Variants in OASL observed in about 807,000 individuals in gnomAD.
OASL encodes 2'-5'-oligoadenylate synthase-like protein.
OASL carries 28 observed loss-of-function variants against 35.3 expected under a neutral mutation model. The observed-to-expected ratio is 0.79, with a 90% CI of 0.59 to 1.09. The LOEUF (loss-of-function observed/expected upper bound fraction) is 1.09. OASL is among the 50% of genes least tolerant of loss of function. OASL has a pLI of 0.00. For missense variants in OASL, 620 were observed against 635.2 expected, an observed-to-expected ratio of 0.98 and a Z score of 0.26; for synonymous variants, 252 against 254.6, an observed-to-expected ratio of 0.99 and a Z score of 0.10.
At chr12:121,024,956 G>A (rs1233202526) in intron 4 of OASL, among the ~76,000 whole-genome samples, 1 of 144,842 alleles carries the variant, frequency 6.9e-6, no homozygotes, top group Non-Finnish European at 1.5e-5. Flanking sequence ...CCTTTTTACA[G>A]ACCTCCCTAA....
At chr12:121,025,955 G>A (rs1869466084) in intron 4 of OASL, among the ~76,000 whole-genome samples, 1 of 152,124 alleles carries the variant, frequency 6.6e-6, no homozygotes. Context: ...GAAAGTGCCA[G>A]GCTGTCCTAT....
At chr12:121,029,605 A>G (rs1254441075) in intron 3 of OASL, among the ~76,000 whole-genome samples, 2 of 151,886 alleles carry the variant, frequency 1.3e-5, no homozygotes, top group Non-Finnish European at 2.9e-5. Flanking sequence ...GGAGAATGGC[A>G]TGAACCCGGG....
intron 1 of OASL, among the ~76,000 whole-genome samples, chr12:121,036,995 G>C (rs1463906040): frequency 6.6e-6 from 1 of 152,160 alleles, no homozygotes; most frequent in Non-Finnish European, 1.5e-5. Context: ...AAGAAGCGAA[G>C]AGTCTGTCTA....
At chr12:121,022,245 C>G (rs911612731) in intron 5 of OASL, among the ~76,000 whole-genome samples, 1 of 152,182 alleles carries the variant, frequency 6.6e-6, no homozygotes, top group East Asian at 1.9e-4. Flanking sequence ...TGCCACCACA[C>G]CCAGCTAATT....
At chr12:121,020,521 G>A in exon 6 of OASL, 1 of 1,555,184 alleles carries the variant, frequency 6.4e-7, no homozygotes, top group Non-Finnish European at 8.7e-7. Flanking sequence ...GAGTTCTGGA[G>A]TACATGGCAG....
At chr12:121,037,884 A>C (rs151311623) in intron 1 of OASL, among the ~76,000 whole-genome samples, 13 of 152,264 alleles carry the variant, frequency 8.5e-5, no homozygotes, top group South Asian at 2.1e-4. Flanking sequence ...TGATCCCAGG[A>C]GTTCGAGACC....
Position 121,020,630 on chromosome 12 carries a change from A to G in OASL, c.1476T>C (p.Tyr492=), listed in dbSNP as rs368234942. Residue 492 remains tyrosine (Y), a synonymous_variant, in exon 6 of 6, where the codon TAT becomes TAC. Transcript: ENST00000257570. ...TGAGAGTGTCACTGTCTTGGATGCC[A>G]TAGATCCCCAGACCCAACCAGTCCT... is the stretch of plus-strand genomic sequence containing the variant. The G allele has an allele frequency of 1.5e-5, 25 of 1,614,042 alleles. No individual in the cohort carries two copies. In the African/African-American group the frequency reaches 2.9e-4, roughly 19 times the overall value.
chr12:121,021,246 T>G (rs1184813957), intron 5 of OASL, among the ~76,000 whole-genome samples, 188 bp from the exon 6 acceptor site: 1 of 152,206 alleles, frequency 6.6e-6, no homozygotes, highest in Non-Finnish European at 1.5e-5. Context: ...TGCATTTTAT[T>G]CTCAGAGCAT....
At chr12:121,020,394 C>T (rs1262066899) in exon 6 of OASL, 1 of 729,932 alleles carries the variant, frequency 1.4e-6, no homozygotes, top group Non-Finnish European at 2.2e-6. Flanking sequence ...CTCGGCCTCC[C>T]AAAGTTCTGG....
At chr12:121,030,486 G>A (rs1592936988) in intron 3 of OASL, among the ~76,000 whole-genome samples, 1 of 152,232 alleles carries the variant, frequency 6.6e-6, no homozygotes, top group South Asian at 2.1e-4. Flanking sequence ...TTACAGGCGT[G>A]AGCCATCATG....
intron 3 of OASL, among the ~76,000 whole-genome samples, chr12:121,029,797 AATTTAAACTCATGGTAATATAACTT>A (rs1159461808): frequency 6.6e-6 from 1 of 152,196 alleles, no homozygotes; most frequent in Non-Finnish European, 1.5e-5. Flanking sequence ...TTTTGTTAGA[AATTTAAACTCATGGTAATATAACTT>A]ATTTTCTTCA....
At position 121,020,514 on chromosome 12, in the gene OASL, T is replaced by C. The variant is rs1869183714; in HGVS notation, c.*47A>G. On this transcript the variant is annotated 3_prime_UTR_variant, in exon 6 of 6. Transcript: ENST00000257570. ...GGGACAGAGTGATTGACAGGATGAG[T>C]TCTGGAGTACATGGCAGAAATGTAC... 1.9e-6 allele frequency: 3 copies of C among 1,543,052 alleles called. No individual in the cohort carries two copies. The South Asian group carries it at 3.8e-5, about 19-fold the overall frequency.
chr12:121,024,057 G>C, exon 5 of OASL: 1 of 1,614,168 alleles, frequency 6.2e-7, no homozygotes, highest in South Asian at 1.1e-5. Context: ...CAGGCACTGG[G>C]AGGCCCTCTG....
rs745847463 is a variant in OASL at position 121,033,513 on chromosome 12, C to T, written c.429G>A (p.Arg143=). The change falls in exon 2 of 6, where the codon AGG becomes AGA. Residue 143 remains arginine (R), a synonymous_variant. Coordinates refer to ENST00000257570, the Ensembl canonical transcript of OASL. ...TGACCGTGATGGGCTCCGCAGTCCC[C>T]CTGGTCTGGATGGTGAAGACGAGAG... 23 of 1,614,168 alleles carry T rather than the reference C, an allele frequency of 1.4e-5. No homozygotes were observed. In the South Asian group the frequency reaches 2.5e-4, roughly 18 times the overall value.
chr12:121,032,704 C>G (rs73214163), intron 2 of OASL, among the ~76,000 whole-genome samples: 1 of 152,232 alleles, frequency 6.6e-6, no homozygotes, highest in South Asian at 2.1e-4. Flanking sequence ...AAATAAACTG[C>G]GTATCCTCAC....
At position 121,028,929 on chromosome 12, in the gene OASL, G is replaced by C. The variant is rs528328125; in HGVS notation, c.658-1112C>G. 2.9e-4 allele frequency among the ~76,000 whole-genome samples: 44 copies of C among 152,078 alleles called. No individual in the cohort carries two copies. The South Asian group carries it at 8.3e-3, about 29-fold the overall frequency. Reference sequence around the variant, plus strand: ...AAAATACAAAAATTAGCCAGGTGTGGTGGCAGGTGCCTGTAATCCCAGCTA... The same window carrying C: ...AAAATACAAAAATTAGCCAGGTGTGCTGGCAGGTGCCTGTAATCCCAGCTA... On this transcript the variant is annotated intron_variant, in intron 3 of 5. Transcript: ENST00000257570.
chr12:121,035,731 C>CT (rs932173346), intron 1 of OASL, among the ~76,000 whole-genome samples: 1 of 152,106 alleles, frequency 6.6e-6, no homozygotes, highest in African/African-American at 2.4e-5. Flanking sequence ...TGACCCAAGG[C>CT]TGTGAGCCAG....
intron 3 of OASL, among the ~76,000 whole-genome samples, chr12:121,028,617 GC>G (rs1306085541): frequency 2.0e-4 from 28 of 138,906 alleles, no homozygotes; most frequent in African/African-American, 6.5e-4. Context: ...CCTGAAACCC[GC>G]CCCCCCCGCC....
chr12:121,022,854 C>A (rs914471682), intron 5 of OASL, among the ~76,000 whole-genome samples: 1 of 152,170 alleles, frequency 6.6e-6, no homozygotes, highest in Non-Finnish European at 1.5e-5. Flanking sequence ...TGCTTCCAGA[C>A]CCCCAGAGCC....
Sources: gnomAD v4.1 joint callset for allele counts (sites outside exome capture counted in the v4.1 genomes callset) on GRCh38, gnomAD v4.1.1 for gene constraint, MANE v1.5 for transcripts, NCBI Gene and HGNC (gene_info 2026-07-23, HGNC 2026-07-21) for gene names.